The following RABGEF1 variants were observed in gnomAD, a reference collection of about 807,000 sequenced individuals.
The protein encoded by RABGEF1 is RAB guanine nucleotide exchange factor 1, also known as rab5 GDP/GTP exchange factor.
In RABGEF1, 26 loss-of-function variants were observed where a neutral mutation model predicts 57.3. The ratio of observed to expected loss-of-function variants is 0.45; its 90% CI spans 0.33 to 0.63. RABGEF1 has a LOEUF of 0.63. Among genes scored for constraint, RABGEF1 ranks in the 20% least tolerant of loss-of-function variants. The probability of loss-of-function intolerance (pLI) is 0.02; values close to 1 mark genes in which losing one functional copy is unlikely to be tolerated. For missense variants in RABGEF1, 464 were observed against 607.6 expected (o/e 0.76, Z 2.48); for synonymous variants, 185 against 210.7 (o/e 0.88, Z 1.06).
intron 2 of RABGEF1, among the ~76,000 whole-genome samples, chr7:66,773,083 GTT>G (rs375110748): frequency 1.7e-5 from 1 of 57,762 alleles, no homozygotes; most frequent in African/African-American, 4.9e-5. Flanking sequence ...CTAGTTGTTT[GTT>G]TTTTTTTTTT....
intron 1 of RABGEF1, among the ~76,000 whole-genome samples, chr7:66,696,213 C>G (rs1217489538): frequency 6.6e-6 from 1 of 152,132 alleles, no homozygotes; most frequent in African/African-American, 2.4e-5. Flanking sequence ...TTACAAGTGC[C>G]TAACACCATG....
chr7:66,660,711 C>G, the RABGEF1 span, among the ~76,000 whole-genome samples: 1 of 152,196 alleles, frequency 6.6e-6, no homozygotes, highest in Non-Finnish European at 1.5e-5. Flanking sequence ...CAAAGAAATA[C>G]CCCTGACTGG....
intron 2 of RABGEF1, among the ~76,000 whole-genome samples, chr7:66,717,015 G>A (rs1795485368): frequency 6.6e-6 from 1 of 152,240 alleles, no homozygotes; most frequent in Non-Finnish European, 1.5e-5. Context: ...CTGGCCTCAG[G>A]TGATCCGCCC....
chr7:66,787,469 G>A (rs1053582109), intron 4 of RABGEF1, among the ~76,000 whole-genome samples: 1 of 149,338 alleles, frequency 6.7e-6, no homozygotes, highest in Non-Finnish European at 1.5e-5. Flanking sequence ...CCAGCCTCCC[G>A]CATAGCTGAG....
chr7:66,698,852 C>T (rs531641908), intron 1 of RABGEF1, among the ~76,000 whole-genome samples: 8 of 152,310 alleles, frequency 5.3e-5, no homozygotes, highest in South Asian at 4.1e-4. Context: ...TTTCTAACCT[C>T]GGTTTTCCTC....
intron 1 of RABGEF1, among the ~76,000 whole-genome samples, chr7:66,766,366 A>G (rs1023903775): frequency 1.7e-4 from 25 of 150,744 alleles, no homozygotes; most frequent in African/African-American, 5.6e-4. Flanking sequence ...TACCTTTTTG[A>G]TGGAATAAGT....
At chr7:66,724,748 C>A (rs1796414182) in intron 2 of RABGEF1, among the ~76,000 whole-genome samples, 1 of 152,150 alleles carries the variant, frequency 6.6e-6, no homozygotes, top group African/African-American at 2.4e-5. Context: ...GAAAAAAATT[C>A]AGCAATTATT....
At chr7:66,675,456 C>A in the RABGEF1 span, among the ~76,000 whole-genome samples, 7 of 151,616 alleles carry the variant, frequency 4.6e-5, no homozygotes, top group South Asian at 4.2e-4. Flanking sequence ...ACAAAAAAAA[C>A]CCCAAAAAAC....
chr7:66,802,081 TG>T (rs1787423468), intron 7 of RABGEF1, among the ~76,000 whole-genome samples: 1 of 152,304 alleles, frequency 6.6e-6, no homozygotes, highest in African/African-American at 2.4e-5. Flanking sequence ...AGCTAATTTT[TG>T]TTTACATTCT....
At chr7:66,773,186 CTG>C (rs1807635795) in intron 2 of RABGEF1, among the ~76,000 whole-genome samples, 1 of 151,282 alleles carries the variant, frequency 6.6e-6, no homozygotes, top group African/African-American at 2.4e-5. Context: ...CTTTCAGTGA[CTG>C]TGTTCAATCA....
chr7:66,771,877 G>T lies in RABGEF1; in HGVS notation c.-17-6G>T, dbSNP rs1210383902. The T allele has an allele frequency of 2.1e-6, 3 of 1,445,486 alleles. No individual in the cohort carries two copies. Among genetic ancestry groups the T allele is most frequent in the Non-Finnish European group, 2.8e-6 (3 of 1,089,228 alleles). The allele number at this position is 1,445,486 out of a possible 1,614,324, so 89.5% of individuals were successfully genotyped here. ...CATTTTCAACAGCACTTTCTTGTTT[G>T]TTCAGTGGTTAGCAGGAAGAAGATG... On this transcript the variant is annotated splice_polypyrimidine_tract_variant and splice_region_variant and intron_variant, in intron 1 of 8. Transcript: ENST00000284957.
intron 2 of RABGEF1, among the ~76,000 whole-genome samples, chr7:66,720,560 G>GA (rs1368965842): frequency 1.3e-5 from 2 of 150,558 alleles, no homozygotes; most frequent in East Asian, 1.9e-4. Flanking sequence ...ATCTCAACCA[G>GA]AAAAAATACA....
intron 3 of RABGEF1, among the ~76,000 whole-genome samples, chr7:66,776,618 C>A (rs1314446848): frequency 6.6e-6 from 1 of 152,170 alleles, no homozygotes; most frequent in East Asian, 1.9e-4. Context: ...TCATTTGAAT[C>A]TAGGAGGAGG....
Position 66,768,149 on chromosome 7 carries a change from C to T in RABGEF1, c.-17-3734C>T, listed in dbSNP as rs1162980093. On this transcript the variant is annotated intron_variant, in intron 1 of 8. Coordinates refer to ENST00000284957, the MANE Select transcript of RABGEF1 (RefSeq NM_014504.3). ...ACCCAGGAGAGGGATTGCAAGCAAA[C>T]GTTTCAAACCTTTGATGTGAAGGGA... Among the ~76,000 whole-genome samples the T allele has an allele frequency of 5.9e-5, 9 of 152,252 alleles. 1 individual carries two copies. The highest frequency in any genetic ancestry group is 6.8e-3 in the Middle Eastern group (2 of 294).
chr7:66,745,140 C>T (rs1165430877), intron 1 of RABGEF1, among the ~76,000 whole-genome samples: 4 of 151,148 alleles, frequency 2.6e-5, no homozygotes, highest in African/African-American at 4.9e-5. Context: ...TGCAGTGAGC[C>T]GAGATTGTGC....
At chr7:66,722,666 A>G (rs1390388834) in intron 2 of RABGEF1, among the ~76,000 whole-genome samples, 1 of 152,214 alleles carries the variant, frequency 6.6e-6, no homozygotes, top group East Asian at 1.9e-4. Context: ...ATTTGGGTCT[A>G]TAAAACATCA....
At chr7:66,723,414 T>C (rs1234152061) in intron 2 of RABGEF1, among the ~76,000 whole-genome samples, 1 of 152,272 alleles carries the variant, frequency 6.6e-6, no homozygotes, top group African/African-American at 2.4e-5. Context: ...TACCCTTACG[T>C]TGCGTTTAAC....
intron 2 of RABGEF1, among the ~76,000 whole-genome samples, chr7:66,720,600 T>C (rs1386721247): frequency 9.2e-5 from 14 of 152,012 alleles, no homozygotes; most frequent in Admixed American, 9.2e-4. Context: ...AATATTTTAA[T>C]GGATAAAGTA....
intron 1 of RABGEF1, among the ~76,000 whole-genome samples, chr7:66,685,935 G>A (rs1790557012): frequency 1.3e-5 from 2 of 152,132 alleles, no homozygotes; most frequent in Admixed American, 6.5e-5. Flanking sequence ...TAACACCTGT[G>A]ACTCAGAATA....
Sources: gnomAD v4.1 joint callset for allele counts (sites outside exome capture counted in the v4.1 genomes callset) on GRCh38, gnomAD v4.1.1 for gene constraint, MANE v1.5 for transcripts, NCBI Gene and HGNC (gene_info 2026-07-23, HGNC 2026-07-21) for gene names.